The following UGT1A7 variants were observed in gnomAD, a reference collection of about 807,000 sequenced individuals.
UGT1A7 encodes the protein UDP-glucuronosyltransferase 1A7.
In UGT1A7, 33 loss-of-function variants were observed where a neutral mutation model predicts 45.6. The ratio of observed to expected loss-of-function variants is 0.72; its 90% confidence interval spans 0.55 to 0.97. The LOEUF is 0.97. Among genes scored for constraint, UGT1A7 ranks in the 50% least tolerant of loss-of-function variants. The pLI is 0.00. For missense variants in UGT1A7, 684 were observed against 666.2 expected (o/e 1.03, Z -0.29); for synonymous variants, 274 against 250.6 (o/e 1.09, Z -0.88).
chr2:233,694,940 T>G (rs779505929), intron 1 of UGT1A7, among the ~76,000 whole-genome samples: 17 of 152,240 alleles, frequency 1.1e-4, no homozygotes, highest in Non-Finnish European at 2.4e-4. Context: ...TCAGGGTAAT[T>G]GAGATATCCA....
chr2:233,716,180 T>C (rs1445061863), intron 1 of UGT1A7, among the ~76,000 whole-genome samples: 1 of 152,174 alleles, frequency 6.6e-6, no homozygotes, highest in Non-Finnish European at 1.5e-5. Flanking sequence ...CATCTTCAAG[T>C]CTCTAATTCT....
chr2:233,742,169 GAA>G (rs2125841424), intron 1 of UGT1A7, among the ~76,000 whole-genome samples: 1 of 152,048 alleles, frequency 6.6e-6, no homozygotes, highest in East Asian at 1.9e-4. Context: ...CACACACACA[GAA>G]ATATAGAGTG....
chr2:233,743,195 G>C, intron 1 of UGT1A7: 2 of 380,014 alleles, frequency 5.3e-6, no homozygotes, highest in South Asian at 3.9e-5. Flanking sequence ...GAATTACTTG[G>C]TGTCAATGCG....
At chr2:233,731,097 C>T (rs1453448635) in intron 1 of UGT1A7, among the ~76,000 whole-genome samples, 1 of 151,946 alleles carries the variant, frequency 6.6e-6, no homozygotes, top group African/African-American at 2.4e-5. Context: ...ATTTCTGTGC[C>T]TTTTTTATAA....
chr2:233,763,503 T>C (rs1459749644), intron 1 of UGT1A7, among the ~76,000 whole-genome samples: 1 of 152,236 alleles, frequency 6.6e-6, no homozygotes, highest in Admixed American at 6.5e-5. Flanking sequence ...GTTTACTTTA[T>C]GTTTAGTTGA....
chr2:233,768,242 TATCACCC>T lies in UGT1A7; in HGVS notation c.1101_1107del (p.Ile367MetfsTer18), dbSNP rs1699593680. On this transcript the variant is annotated frameshift_variant, in exon 4 of 5. Transcript: ENST00000373426. LOFTEE classifies it high-confidence loss of function. ...CAGGTCACCCGATGACCCGTGCCTT[TATCACCC>T]ATGCTGGTTCCCATGGTGTTTATGA... 2 of 1,614,112 alleles carry T rather than the reference TATCACCC, an allele frequency of 1.2e-6. No individual in the cohort carries two copies. The highest frequency in any genetic ancestry group is 1.7e-5 in the Admixed American group (1 of 60,004).
intron 1 of UGT1A7, chr2:233,740,861 T>A (rs1691490325): frequency 6.6e-6 from 1 of 151,862 alleles, no homozygotes; most frequent in Admixed American, 6.5e-5. Flanking sequence ...TTCTAAAAAT[T>A]CTTTAAATAA....
At chr2:233,687,658 T>C (rs2074857282) in intron 1 of UGT1A7, among the ~76,000 whole-genome samples, 2 of 150,210 alleles carry the variant, frequency 1.3e-5, no homozygotes, top group Non-Finnish European at 3.0e-5. Flanking sequence ...ATCACAGCAC[T>C]TTAGGAGGCC....
intron 1 of UGT1A7, among the ~76,000 whole-genome samples, chr2:233,697,142 G>T (rs537763582): frequency 1.3e-5 from 2 of 152,092 alleles, no homozygotes; most frequent in East Asian, 3.9e-4. Flanking sequence ...GTAATAGTTT[G>T]AGTGGAACTG....
rs566468987 is a variant in UGT1A7, at chr2:233,735,438, T to C, written c.856-31596T>C. ...TGAGATAGGCCTCCTGAATACAGCA[T>C]ACCGATGGGCCTTGACTCTTTATCC... On this transcript the variant is annotated intron_variant, in intron 1 of 4. Transcript: ENST00000373426. Among the ~76,000 whole-genome samples, 10 of 152,290 alleles carry C rather than the reference T, an allele frequency of 6.6e-5. No homozygotes were observed. The East Asian group carries it at 7.7e-4, about 12-fold the overall frequency.
chr2:233,729,421 C>T (rs1041783998), intron 1 of UGT1A7: 2 of 1,613,652 alleles, frequency 1.2e-6, no homozygotes, highest in Non-Finnish European at 1.7e-6. Context: ...CCACACTCAA[C>T]TGTACTTTGA....
intron 1 of UGT1A7, among the ~76,000 whole-genome samples, chr2:233,756,693 T>C (rs1305461555): frequency 6.6e-6 from 1 of 152,168 alleles, no homozygotes; most frequent in East Asian, 1.9e-4. Context: ...ATAATGACGA[T>C]GAATTTTGGG....
chr2:233,707,988 T>C (rs2075998720), intron 1 of UGT1A7, among the ~76,000 whole-genome samples: 1 of 152,244 alleles, frequency 6.6e-6, no homozygotes, highest in South Asian at 2.1e-4. Flanking sequence ...CTGGGTTGTC[T>C]ACTCGAATTA....
chr2:233,769,657 C>A lies in UGT1A7; in HGVS notation c.1295+1218C>A, dbSNP rs551497641. On this transcript the variant is annotated intron_variant, in intron 4 of 4. Coordinates refer to ENST00000373426, the MANE Select transcript of UGT1A7 (RefSeq NM_019077.3). This position sits in a 1 kb window ranked among gnomAD's most constrained non-coding sequence, Gnocchi z 4.4. ...GGGAGGACTGATGACTGACTTCCCACCTTTGAGGTGCTAATGTGTGTGTGG... is the reference window on the plus strand; with the variant it reads ...GGGAGGACTGATGACTGACTTCCCAACTTTGAGGTGCTAATGTGTGTGTGG... 2.5e-6 allele frequency: 4 copies of A among 1,602,364 alleles called. No individual in the cohort carries two copies. Among genetic ancestry groups the A allele is most frequent in the East Asian group, 4.5e-5 (2 of 44,626 alleles).
chr2:233,748,170 T>G (rs1693885093), intron 1 of UGT1A7: 10 of 1,590,430 alleles, frequency 6.3e-6, no homozygotes, highest in Non-Finnish European at 8.6e-6. Flanking sequence ...TATCTACTTA[T>G]CTTTCTGGTG....
intron 1 of UGT1A7, chr2:233,743,502 T>A: frequency 1.5e-6 from 2 of 1,367,112 alleles, no homozygotes; most frequent in Non-Finnish European, 2.0e-6. Context: ...AGAAAAGGGG[T>A]GCAGACGCTC....
chr2:233,722,051 T>C (rs1475748803), intron 1 of UGT1A7: 2 of 234,456 alleles, frequency 8.5e-6, no homozygotes, highest in Non-Finnish European at 1.7e-5. Flanking sequence ...GTGGTGTTTC[T>C]GGGTCAAGTG....
intron 1 of UGT1A7, among the ~76,000 whole-genome samples, chr2:233,745,157 A>T (rs1409881340): frequency 6.6e-6 from 1 of 151,846 alleles, no homozygotes; most frequent in Non-Finnish European, 1.5e-5. Context: ...TGGAGGGTCA[A>T]ATGTGCATGT....
intron 1 of UGT1A7, among the ~76,000 whole-genome samples, chr2:233,709,075 C>T (rs1045391498): frequency 6.6e-6 from 1 of 152,098 alleles, no homozygotes; most frequent in Non-Finnish European, 1.5e-5. Flanking sequence ...GTTCTTCTGC[C>T]TCATTGGCTC....
Sources: gnomAD v4.1 joint callset for allele counts (sites outside exome capture counted in the v4.1 genomes callset) on GRCh38, gnomAD v4.1.1 for gene constraint, Gnocchi (gnomAD v3.1) non-coding constraint, MANE v1.5 for transcripts, NCBI Gene and HGNC (gene_info 2026-07-23, HGNC 2026-07-21) for gene names.